Variants in RALGAPA1 observed in about 807,000 individuals in gnomAD.
RALGAPA1 encodes the protein Ral GTPase activating protein catalytic subunit alpha 1.
In RALGAPA1, 52 loss-of-function variants were observed where a neutral mutation model predicts 269.6. The ratio of observed to expected loss-of-function variants is 0.19; its 90% CI spans 0.15 to 0.24. The LOEUF (loss-of-function observed/expected upper bound fraction) is 0.24. RALGAPA1 is among the 10% of genes least tolerant of loss of function. The pLI is 1.00. For missense variants in RALGAPA1, 1,917 were observed against 3,013.9 expected (o/e 0.64, Z 8.52); for synonymous variants, 817 against 1,008.3 (o/e 0.81, Z 3.60).
At chr14:35,578,299 A>C (rs561627666) in intron 37 of RALGAPA1, among the ~76,000 whole-genome samples, 8 of 152,360 alleles carry the variant, frequency 5.3e-5, no homozygotes, top group Non-Finnish European at 1.2e-4. Context: ...TCTTGAACTA[A>C]AAGCTGAAGA....
intron 21 of RALGAPA1, among the ~76,000 whole-genome samples, chr14:35,682,751 T>C (rs759916406): frequency 6.6e-6 from 1 of 152,208 alleles, no homozygotes; most frequent in South Asian, 2.1e-4. Context: ...CATTATAAAA[T>C]AAGAATTTTC....
intron 39 of RALGAPA1, among the ~76,000 whole-genome samples, chr14:35,560,114 TAAG>T (rs748085849): frequency 2.0e-5 from 3 of 152,142 alleles, no homozygotes; most frequent in East Asian, 1.9e-4. Flanking sequence ...AAATGAAAAA[TAAG>T]AAATTCAAGC....
chr14:35,769,403 G>A (rs1295199641), intron 4 of RALGAPA1, among the ~76,000 whole-genome samples: 15 of 152,102 alleles, frequency 9.9e-5, no homozygotes. Flanking sequence ...TAAACACTGG[G>A]TACTCATGGA....
In RALGAPA1 at chr14:35,627,562, A is replaced by T; in HGVS notation, c.6385T>A (p.Ser2129Thr). The T allele has an allele frequency of 2.5e-6, 4 of 1,577,350 alleles. No individual in the cohort carries two copies. The highest frequency in any genetic ancestry group is 2.2e-5 in the East Asian group (1 of 44,736). ...GAAAGCATGAAAGATGTAGGTTCTGACAAGCCACTTACAGGAGGTGGGCCA... is the reference window on the plus strand; with the variant it reads ...GAAAGCATGAAAGATGTAGGTTCTGTCAAGCCACTTACAGGAGGTGGGCCA... ...LYGPPPVSGL[S>T]EPTSFMLSLS... The change falls in exon 34 of 42, where the codon TCA (serine) becomes ACA (threonine). Residue 2129 changes from serine (S) to threonine (T), a missense_variant. Ser to Thr is a moderately conservative substitution (Grantham distance 58). This residue lies in a region of RALGAPA1 where 346 missense variants were observed against 566.1 expected (regional missense o/e 0.61). Transcript: ENST00000680220.
At chr14:35,770,691 T>C (rs1431683615) in intron 4 of RALGAPA1, among the ~76,000 whole-genome samples, 3 of 152,214 alleles carry the variant, frequency 2.0e-5, no homozygotes, top group Non-Finnish European at 2.9e-5. Context: ...TTTTGTTTTA[T>C]AGTTTTATCA....
At position 35,762,672 on chromosome 14, in the gene RALGAPA1, A is replaced by G. The variant is rs754006271; in HGVS notation, c.369+38T>C. 2.5e-6 allele frequency: 3 copies of G among 1,189,538 alleles called. No individual in the cohort carries two copies. The South Asian group carries it at 3.6e-5, about 14-fold the overall frequency. The allele number at this position is 1,189,538 out of a possible 1,614,324, so 73.7% of individuals were successfully genotyped here. On this transcript the variant is annotated intron_variant, in intron 5 of 41. Transcript: ENST00000680220. ...AACAGGTGGGATGTATGTTCTACTC[A>G]GTATTTTTAAAGTCATGGAAAGTAA...
intron 17 of RALGAPA1, among the ~76,000 whole-genome samples, chr14:35,692,977 A>G (rs1212331387): frequency 6.6e-6 from 1 of 152,022 alleles, no homozygotes; most frequent in African/African-American, 2.4e-5. Flanking sequence ...CCCATGAAGT[A>G]GGTGCTATGC....
intron 41 of RALGAPA1, chr14:35,541,613 T>C (rs1039248817): frequency 2.5e-5 from 10 of 398,242 alleles, no homozygotes; most frequent in African/African-American, 1.7e-4. Context: ...TATGAATCCA[T>C]GACCCCCTTT....
At chr14:35,565,584 C>G (rs1024847806) in intron 39 of RALGAPA1, among the ~76,000 whole-genome samples, 1 of 152,060 alleles carries the variant, frequency 6.6e-6, no homozygotes, top group African/African-American at 2.4e-5. Context: ...CCCGAGTCTC[C>G]TACAGATTTC....
At chr14:35,670,516 T>C (rs2064316202) in intron 26 of RALGAPA1, among the ~76,000 whole-genome samples, 1 of 152,342 alleles carries the variant, frequency 6.6e-6, no homozygotes, top group Non-Finnish European at 1.5e-5. Flanking sequence ...ATTATTGCCT[T>C]CCTCTCTAGC....
intron 22 of RALGAPA1, among the ~76,000 whole-genome samples, chr14:35,675,414 G>T (rs1427960974): frequency 1.3e-5 from 2 of 152,170 alleles, no homozygotes; most frequent in Non-Finnish European, 2.9e-5. Flanking sequence ...CTGACCTCAT[G>T]ATCCGCCCAC....
Position 35,627,071 on chromosome 14 carries a change from A to AAAT in RALGAPA1, c.6857+18_6857+19insATT. ...ACCGAAAAAAAAAAAAAAAGAAAAA[A>AAAT]TTTCTCCCTTATGCTTACCGTTTGT... On this transcript the variant is annotated intron_variant, in intron 34 of 41. Transcript: ENST00000680220. The AAAT allele has an allele frequency of 6.9e-7, 1 of 1,440,766 alleles. No homozygotes were observed. Among genetic ancestry groups the AAAT allele is most frequent in the Non-Finnish European group, 9.1e-7 (1 of 1,097,466 alleles). The allele number at this position is 1,440,766 out of a possible 1,614,324, so 89.2% of individuals were successfully genotyped here. A position where few individuals can be genotyped will look rare whatever the true frequency, so the allele number is the denominator to read the frequency against.
chr14:35,752,227 C>A, intron 7 of RALGAPA1, 65 bp from the exon 8 acceptor site: 2 of 1,390,876 alleles, frequency 1.4e-6, no homozygotes, highest in Non-Finnish European at 9.5e-7. Context: ...CAAGTATTAG[C>A]AATTATAAAC....
At chr14:35,601,974 C>T (rs1305547906) in intron 36 of RALGAPA1, among the ~76,000 whole-genome samples, 1 of 152,136 alleles carries the variant, frequency 6.6e-6, no homozygotes, top group Non-Finnish European at 1.5e-5. Context: ...CCCCCCTCCT[C>T]CCTCATGCCC....
chr14:35,766,452 T>A, intron 4 of RALGAPA1: 2 of 1,570,496 alleles, frequency 1.3e-6, no homozygotes, highest in Non-Finnish European at 1.7e-6. Flanking sequence ...CCTCTTTGAG[T>A]CTGAGGGGGC....
rs1449256387 is a variant in RALGAPA1, at chr14:35,808,921, G to A, written c.-86C>T. On this transcript the variant is annotated 5_prime_UTR_variant, in exon 1 of 42. Coordinates refer to ENST00000680220, the MANE Select transcript of RALGAPA1 (RefSeq NM_001346249.2). ...AGAAAGTGGAGGGAGTGGACGGGGA[G>A]GAGACTAGCCAGAGAGGCTCATTAG... The A allele has an allele frequency of 1.6e-5, 25 of 1,533,404 alleles. No individual in the cohort carries two copies. The highest frequency in any genetic ancestry group is 2.6e-6 in the Non-Finnish European group (3 of 1,141,342). The allele number at this position is 1,533,404 out of a possible 1,614,324, so 95.0% of individuals were successfully genotyped here. A position where few individuals can be genotyped will look rare whatever the true frequency, so the allele number is the denominator to read the frequency against.
chr14:35,750,377 G>T, intron 9 of RALGAPA1, 105 bp downstream of exon 9: 1 of 593,822 alleles, frequency 1.7e-6, no homozygotes, highest in South Asian at 3.0e-5. Context: ...AAATAAAATA[G>T]CACTATTATT....
rs553493265 is a variant in RALGAPA1, at chr14:35,611,912, C to T, written c.6930-6203G>A. 2.0e-5 allele frequency among the ~76,000 whole-genome samples: 3 copies of T among 152,252 alleles called. No homozygotes were observed. In the South Asian group the frequency reaches 6.2e-4, roughly 32 times the overall value. ...TTGCTACAAAAGTCATCAAAGCACT[C>T]ATAGTAATGATGTAAGATGAGACAT... is the stretch of plus-strand genomic sequence containing the variant. On this transcript the variant is annotated intron_variant, in intron 35 of 41. Coordinates refer to ENST00000680220, the MANE Select transcript of RALGAPA1 (RefSeq NM_001346249.2).
At chr14:35,572,744 AC>A in intron 37 of RALGAPA1, 26 bp from the exon 38 acceptor site, 1 of 1,566,104 alleles carries the variant, frequency 6.4e-7, no homozygotes. Context: ...AACAATTTAT[AC>A]TGCTTTAAAA....
Sources: allele counts gnomAD v4.1 joint callset (sites outside exome capture counted in the v4.1 genomes callset), GRCh38; gene constraint gnomAD v4.1.1; regional missense constraint gnomAD v4.1.1; transcripts MANE v1.5; gene names NCBI Gene and HGNC (gene_info 2026-07-23, HGNC 2026-07-21).